The following ROS1 variants were observed in gnomAD, a reference collection of about 807,000 sequenced individuals.
ROS1 encodes proto-oncogene tyrosine-protein kinase ROS.
ROS1 carries 263 observed loss-of-function variants against 273.5 expected under a neutral mutation model. The ratio of observed to expected loss-of-function variants is 0.96; its 90% confidence interval spans 0.87 to 1.06. The LOEUF (loss-of-function observed/expected upper bound fraction) is 1.06. Ranked by LOEUF, ROS1 falls within the 50% of genes least tolerant of loss-of-function variation. ROS1 has a pLI of 0.00. For missense variants in ROS1, 2,833 were observed against 2,751.1 expected, an observed-to-expected ratio of 1.03 and a Z score of -0.67; for synonymous variants, 1,008 against 954.1, an observed-to-expected ratio of 1.06 and a Z score of -1.04.
At chr6:117,373,362 C>T (rs1254728669) in intron 18 of ROS1, among the ~76,000 whole-genome samples, 4 of 152,218 alleles carry the variant, frequency 2.6e-5, no homozygotes, top group Non-Finnish European at 5.9e-5. Context: ...CAGGGAGGCT[C>T]GGGCTGCGCG....
intron 17 of ROS1, among the ~76,000 whole-genome samples, chr6:117,380,767 C>T: frequency 6.6e-6 from 1 of 151,998 alleles, no homozygotes; most frequent in East Asian, 1.9e-4. Context: ...CCTCTCTGAT[C>T]TAAACTAAAA....
intron 32 of ROS1, among the ~76,000 whole-genome samples, chr6:117,332,454 A>G (rs139639863): frequency 0.011 from 1,742 of 152,320 alleles, 75 homozygotes; most frequent in Admixed American, 0.084. Flanking sequence ...AAAATTAACA[A>G]GGATATTCAG....
rs1776170037 is a variant in ROS1 at position 117,319,903 on chromosome 6, C to T, written c.5887G>A (p.Gly1963Arg). ...VYEGTAVDIL[G>R]VGSGEIKVAV... ...ACTTTGATTTCTCCACTTCCAACTC[C>T]TAAGATGTCCACTGCTGTTCCTTCA... The change falls in exon 37 of 44, where the codon GGA becomes AGA. Residue 1963 changes from glycine (G) to arginine (R), a missense_variant. Gly to Arg is a moderately radical substitution (Grantham distance 125). Transcript: ENST00000368507. The T allele has an allele frequency of 1.2e-6, 2 of 1,613,328 alleles. No individual in the cohort carries two copies. Among genetic ancestry groups the T allele is most frequent in the Non-Finnish European group, 1.7e-6 (2 of 1,179,472 alleles).
chr6:117,418,287 A>T (rs1222315041), intron 2 of ROS1, among the ~76,000 whole-genome samples, 175 bp downstream of exon 2: 1 of 152,206 alleles, frequency 6.6e-6, no homozygotes, highest in Admixed American at 6.5e-5. Flanking sequence ...TTTCCACTTC[A>T]ACACACTTCA....
chr6:117,372,306 T>G (rs907010705), intron 18 of ROS1, among the ~76,000 whole-genome samples: 1 of 152,236 alleles, frequency 6.6e-6, no homozygotes, highest in Non-Finnish European at 1.5e-5. Context: ...GAAGTCATAC[T>G]ATCACTGTTT....
chr6:117,320,248 C>T (rs1303808188), intron 36 of ROS1, among the ~76,000 whole-genome samples: 2 of 152,108 alleles, frequency 1.3e-5, no homozygotes, highest in Non-Finnish European at 2.9e-5. Context: ...TGATGGTCCA[C>T]TTCTAGGCAC....
chr6:117,342,496 T>C lies in ROS1; in HGVS notation c.4555A>G (p.Thr1519Ala), dbSNP rs1345318306. 1.9e-6 allele frequency: 3 copies of C among 1,603,428 alleles called. No homozygotes were observed. The highest frequency in any genetic ancestry group is 2.6e-6 in the Non-Finnish European group (3 of 1,171,786). Residue 1519 changes from threonine to alanine, a missense_variant, in exon 29 of 44, where the codon ACA (threonine) becomes GCA (alanine). Thr to Ala is a moderately conservative substitution (Grantham distance 58, BLOSUM62 0). Coordinates refer to ENST00000368507, the MANE Select transcript of ROS1 (RefSeq NM_001378902.1). ...TTTACAGCTATCTGTATCATGTATG[T>C]TGAAAATGGTTGTAAATCTTCAATA... ...ALIEDLQPFS[T>A]YMIQIAVKNY...
chr6:117,324,615 C>CT (rs144721911), intron 34 of ROS1, among the ~76,000 whole-genome samples, 200 bp from the exon 35 acceptor site: 127 of 151,298 alleles, frequency 8.4e-4, no homozygotes, highest in African/African-American at 2.8e-3. Context: ...GGTGTTTTTG[C>CT]TTTTTTTTGC....
chr6:117,381,572 C>T (rs1256231826), intron 17 of ROS1, among the ~76,000 whole-genome samples: 1 of 151,982 alleles, frequency 6.6e-6, no homozygotes, highest in Non-Finnish European at 1.5e-5. Context: ...ACATTATTTC[C>T]TCCTTTTTTT....
chr6:117,365,995 A>C, intron 19 of ROS1, 81 bp downstream of exon 19: 1 of 1,256,616 alleles, frequency 8.0e-7, no homozygotes. Flanking sequence ...TTAATTCTTA[A>C]GAAAAAAAAA....
intron 7 of ROS1, among the ~76,000 whole-genome samples, chr6:117,399,657 A>C (rs1269698597): frequency 6.6e-6 from 1 of 152,336 alleles, no homozygotes. Context: ...AGGGCACCAG[A>C]CAACTCTCCC....
intron 7 of ROS1, among the ~76,000 whole-genome samples, chr6:117,401,621 C>G (rs1037745372): frequency 6.6e-6 from 1 of 151,694 alleles, no homozygotes; most frequent in Non-Finnish European, 1.5e-5. Flanking sequence ...AATTACTTAT[C>G]GGACTGTCTT....
rs1414426701 is a variant in ROS1, at chr6:117,287,397, A to G, written c.*1095T>C. Among the ~76,000 whole-genome samples, 1 of 152,316 alleles carries G rather than the reference A, an allele frequency of 6.6e-6. No individual in the cohort carries two copies. Among genetic ancestry groups the G allele is most frequent in the African/African-American group, 2.4e-5 (1 of 41,580 alleles). On this transcript the variant is annotated 3_prime_UTR_variant, in exon 44 of 44. Coordinates refer to ENST00000368507, the MANE Select transcript of ROS1 (RefSeq NM_001378902.1). ...TATATTTAATTTTAAGCATAATTTG[A>G]TACAAAATGTAATCTTAAGTATTTT...
At chr6:117,392,443 A>T (rs1041879664) in intron 12 of ROS1, among the ~76,000 whole-genome samples, 10 of 152,192 alleles carry the variant, frequency 6.6e-5, no homozygotes, top group Non-Finnish European at 1.2e-4. Flanking sequence ...ACTGGTTACT[A>T]ATCTGTTATT....
chr6:117,360,308 A>G (rs1302466944), intron 23 of ROS1, 34 bp downstream of exon 23: 4 of 1,482,382 alleles, frequency 2.7e-6, no homozygotes, highest in Non-Finnish European at 3.7e-6. Flanking sequence ...ACGCCTCTAA[A>G]TTATTATTTG....
At chr6:117,294,388 A>C (rs1774059009) in intron 43 of ROS1, among the ~76,000 whole-genome samples, 1 of 151,860 alleles carries the variant, frequency 6.6e-6, no homozygotes, top group Non-Finnish European at 1.5e-5. Flanking sequence ...ATCTAGAAAA[A>C]CCTAAAGATT....
At chr6:117,420,406 T>G (rs1323800328) in intron 1 of ROS1, among the ~76,000 whole-genome samples, 1 of 132,340 alleles carries the variant, frequency 7.6e-6, no homozygotes, top group Non-Finnish European at 1.6e-5. Flanking sequence ...TCTCATTCTT[T>G]ACTTCCTACC....
chr6:117,410,277 G>A (rs1402792347), intron 4 of ROS1, among the ~76,000 whole-genome samples: 1 of 152,136 alleles, frequency 6.6e-6, no homozygotes, highest in African/African-American at 2.4e-5. Context: ...TTATCTGCTT[G>A]CCATTTTGGT....
intron 43 of ROS1, among the ~76,000 whole-genome samples, chr6:117,289,727 T>C (rs1773694050): frequency 6.6e-6 from 1 of 152,158 alleles, no homozygotes; most frequent in Non-Finnish European, 1.5e-5. Flanking sequence ...TCAAAACACA[T>C]GAATAGTTAG....
Sources: gnomAD v4.1 joint callset for allele counts (sites outside exome capture counted in the v4.1 genomes callset) on GRCh38, gnomAD v4.1.1 for gene constraint, MANE v1.5 for transcripts, NCBI Gene and HGNC (gene_info 2026-07-23, HGNC 2026-07-21) for gene names.